CD200R1L: variants seen among roughly 807,000 people sequenced by gnomAD.
CD200R1L encodes the protein CD200 receptor 1 like.
In CD200R1L, 14 loss-of-function variants were observed where a neutral mutation model predicts 24.8. The observed-to-expected ratio is 0.56, with a 90% CI of 0.37 to 0.88. CD200R1L has a LOEUF of 0.88. Among genes scored for constraint, CD200R1L ranks in the 40% least tolerant of loss-of-function variants. The pLI is 0.00. For synonymous variants in CD200R1L, 111 were observed against 109.2 expected, an observed-to-expected ratio of 1.02 and a Z score of -0.11; for missense variants, 299 against 297.8, an observed-to-expected ratio of 1.00 and a Z score of -0.03.
Position 112,845,833 on chromosome 3 carries a change from T to C in CD200R1L, c.-241A>G. 1.2e-6 allele frequency: 1 copy of C among 821,450 alleles called. No homozygotes were observed. The highest frequency in any genetic ancestry group is 2.0e-6 in the Non-Finnish European group (1 of 494,900). 50.9% of individuals were successfully genotyped at this position (821,450 alleles called of 1,614,324 possible). A position where few individuals can be genotyped will look rare whatever the true frequency, so the allele number is the denominator to read the frequency against. On this transcript the variant is annotated 5_prime_UTR_variant, in exon 2 of 8. Coordinates refer to ENST00000488794, the MANE Select transcript of CD200R1L (RefSeq NM_001199215.3). ...TTCTCTTGGTCACTTTTGCTTATTCTGTCTTCAACAGGATTGCAAAACATA... is the reference window on the plus strand; with the variant it reads ...TTCTCTTGGTCACTTTTGCTTATTCCGTCTTCAACAGGATTGCAAAACATA...
chr3:112,841,301 T>C (rs1274415240), intron 2 of CD200R1L: 5 of 451,558 alleles, frequency 1.1e-5, no homozygotes, highest in African/African-American at 4.0e-5. Flanking sequence ...TCCACCATGA[T>C]TGTAAGTTTT....
At chr3:112,837,462 A>G (rs1370957154) in intron 3 of CD200R1L, among the ~76,000 whole-genome samples, 3 of 151,784 alleles carry the variant, frequency 2.0e-5, no homozygotes, top group Non-Finnish European at 2.9e-5. Context: ...AACTCCTCCC[A>G]CCCCAGACTG....
At chr3:112,822,894 G>C (rs79300718) in intron 6 of CD200R1L, among the ~76,000 whole-genome samples, 2,265 of 152,202 alleles carry the variant, frequency 0.015, 19 homozygotes, top group South Asian at 0.024. Flanking sequence ...ATGATTAAAG[G>C]GTGCCAGGGA....
At chr3:112,835,691 C>T (rs999564957) in intron 3 of CD200R1L, among the ~76,000 whole-genome samples, 2 of 152,182 alleles carry the variant, frequency 1.3e-5, no homozygotes, top group South Asian at 2.1e-4. Flanking sequence ...CTGTTCATGC[C>T]GAGGGGCACC....
intron 6 of CD200R1L, among the ~76,000 whole-genome samples, chr3:112,824,514 G>T (rs997234000): frequency 6.6e-6 from 1 of 152,138 alleles, no homozygotes; most frequent in Admixed American, 6.5e-5. Flanking sequence ...CCACAGGTAT[G>T]GATGAGGTTA....
chr3:112,820,674 G>T (rs1019828732), intron 6 of CD200R1L, among the ~76,000 whole-genome samples: 1 of 151,044 alleles, frequency 6.6e-6, no homozygotes, highest in Non-Finnish European at 1.5e-5. Flanking sequence ...CAGGTGATCC[G>T]CCCGCCTCAG....
chr3:112,845,110 A>G (rs1466943735), intron 2 of CD200R1L, among the ~76,000 whole-genome samples: 1 of 152,178 alleles, frequency 6.6e-6, no homozygotes, highest in Admixed American at 6.5e-5. Flanking sequence ...TGACTCCTTG[A>G]AAAGACAAAC....
At chr3:112,840,437 G>T (rs1219554979) in intron 2 of CD200R1L, among the ~76,000 whole-genome samples, 1 of 152,152 alleles carries the variant, frequency 6.6e-6, no homozygotes, top group Admixed American at 6.5e-5. Context: ...TAAACAACCA[G>T]ATCTCATAAC....
chr3:112,827,447 G>T lies in CD200R1L; in HGVS notation c.287C>A (p.Thr96Asn). 6.2e-7 allele frequency: 1 copy of T among 1,614,144 alleles called. No individual in the cohort carries two copies. Among genetic ancestry groups the T allele is most frequent in the Admixed American group, 1.7e-5 (1 of 60,022 alleles). Reference sequence around the variant, plus strand: ...GCCTCTGTAATACCCGTCATGAGTGGTGTCCACCGGACGAATCTGAAGGTC... The same window carrying T: ...GCCTCTGTAATACCCGTCATGAGTGTTGTCCACCGGACGAATCTGAAGGTC... Reference protein sequence around the residue: ...NSDLQIRPVDTTHDGYYRGIV... With the variant: ...NSDLQIRPVDNTHDGYYRGIV... Residue 96 changes from threonine (T) to asparagine (N), a missense_variant, in exon 5 of 8, where the codon ACC (threonine) becomes AAC (asparagine). Thr to Asn is a moderately conservative substitution (Grantham distance 65). Transcript: ENST00000488794.
intron 6 of CD200R1L, among the ~76,000 whole-genome samples, chr3:112,823,513 G>T (rs1360081402): frequency 6.6e-6 from 1 of 152,176 alleles, no homozygotes; most frequent in East Asian, 1.9e-4. Flanking sequence ...CACCTAGGTG[G>T]TGTCCAGAGA....
chr3:112,822,628 T>C (rs1310608157), intron 6 of CD200R1L, among the ~76,000 whole-genome samples: 3 of 152,174 alleles, frequency 2.0e-5, no homozygotes, highest in African/African-American at 7.2e-5. Flanking sequence ...TATGCATCTC[T>C]TTTTATCTTT....
chr3:112,827,129 G>A lies in CD200R1L; in HGVS notation c.480C>T (p.Ala160=). 1 of 1,613,494 alleles carries A rather than the reference G, an allele frequency of 6.2e-7. No individual in the cohort carries two copies. The highest frequency in any genetic ancestry group is 8.5e-7 in the Non-Finnish European group (1 of 1,180,004). Reference sequence around the variant, plus strand: ...CATTGCCCCAGTATTCTTGCTTAGTGGCAAGAATAGATCCCTCTGGGATCC... The same window carrying A: ...CATTGCCCCAGTATTCTTGCTTAGTAGCAAGAATAGATCCCTCTGGGATCC... ...ISWIPEGSIL[A]TKQEYWGNGT... The change falls in exon 6 of 8, where the codon GCC becomes GCT. Residue 160 remains alanine (A), a synonymous_variant. Transcript: ENST00000488794.
At chr3:112,831,814 A>G (rs1327445859) in intron 3 of CD200R1L, among the ~76,000 whole-genome samples, 1 of 152,182 alleles carries the variant, frequency 6.6e-6, no homozygotes, top group East Asian at 1.9e-4. Flanking sequence ...CTGTAACACA[A>G]TAGATTTCCA....
intron 4 of CD200R1L, 81 bp from the exon 5 acceptor site, chr3:112,827,765 C>T (rs1938702835): frequency 7.6e-7 from 1 of 1,324,380 alleles, no homozygotes; most frequent in Non-Finnish European, 1.0e-6. Flanking sequence ...CAGTATATTA[C>T]ATGAAGTTTT....
chr3:112,823,219 C>A (rs1323272377), intron 6 of CD200R1L, among the ~76,000 whole-genome samples: 11 of 152,210 alleles, frequency 7.2e-5, no homozygotes, highest in Non-Finnish European at 1.2e-4. Flanking sequence ...ACCCGAATGG[C>A]TGTTCTCAGA....
Position 112,821,616 on chromosome 3 carries a change from G to GCA in CD200R1L, c.617-1723_617-1722dup, listed in dbSNP as rs149315444. 7.8e-3 allele frequency among the ~76,000 whole-genome samples: 1,192 copies of GCA among 152,020 alleles called. 17 individuals are homozygous for GCA. Among genetic ancestry groups the GCA allele is most frequent in the African/African-American group, 0.027 (1,129 of 41,448 alleles). On this transcript the variant is annotated intron_variant, in intron 6 of 7. Transcript: ENST00000488794. The stretch of plus-strand genomic sequence containing the variant: ...CCCTCAAAGTCATCTTTGGAGAAAG[G>GCA]CACAGATCACCGACTGTTTCTGAGA...
chr3:112,819,652 G>T, intron 7 of CD200R1L, 120 bp downstream of exon 7: 1 of 1,027,090 alleles, frequency 9.7e-7, no homozygotes, highest in Non-Finnish European at 1.3e-6. Flanking sequence ...GGGGCTGGAG[G>T]GAGAATACAA....
At chr3:112,838,974 C>T (rs963607143) in intron 2 of CD200R1L, among the ~76,000 whole-genome samples, 1 of 152,138 alleles carries the variant, frequency 6.6e-6, no homozygotes, top group African/African-American at 2.4e-5. Context: ...CAAGAGTTTG[C>T]AGACTACAAG....
chr3:112,818,547 T>C (rs1359854128), intron 7 of CD200R1L, among the ~76,000 whole-genome samples: 1 of 152,264 alleles, frequency 6.6e-6, no homozygotes, highest in Non-Finnish European at 1.5e-5. Flanking sequence ...AAGTAATGGA[T>C]GGAAGGTCAG....
Sources: gnomAD v4.1 joint callset for allele counts (sites outside exome capture counted in the v4.1 genomes callset) on GRCh38, gnomAD v4.1.1 for gene constraint, MANE v1.5 for transcripts, NCBI Gene and HGNC (gene_info 2026-07-23, HGNC 2026-07-21) for gene names.